SUMF1: variants seen among roughly 807,000 people sequenced by gnomAD.
SUMF1 encodes the protein formylglycine-generating enzyme.
In SUMF1, 48 loss-of-function variants were observed where a neutral mutation model predicts 47.6. That is an observed-to-expected ratio of 1.01 (90% CI 0.80 to 1.28). The LOEUF (loss-of-function observed/expected upper bound fraction) is 1.28. Among genes scored for constraint, SUMF1 ranks in the 50% most tolerant of loss-of-function variants. The pLI is 0.00. For missense variants in SUMF1, 571 were observed against 485.4 expected (o/e 1.18, Z -1.66); for synonymous variants, 230 against 192.1 (o/e 1.20, Z -1.63).
At chr3:4,160,884 ATGT>A (rs1694560724) in intron 8 of SUMF1, among the ~76,000 whole-genome samples, 1 of 151,868 alleles carries the variant, frequency 6.6e-6, no homozygotes, top group East Asian at 1.9e-4. Flanking sequence ...ATGCTTGTGG[ATGT>A]TGTTTAGTGT....
intron 8 of SUMF1, among the ~76,000 whole-genome samples, chr3:4,363,553 T>C (rs965927727): frequency 1.3e-5 from 2 of 151,860 alleles, no homozygotes; most frequent in Non-Finnish European, 2.9e-5. Context: ...AGATTGCTTG[T>C]GATTTTTGTA....
chr3:4,337,571 G>A (rs1183296875), intron 8 of SUMF1, among the ~76,000 whole-genome samples: 2 of 151,804 alleles, frequency 1.3e-5, no homozygotes, highest in East Asian at 3.9e-4. Flanking sequence ...TGCTCACCAT[G>A]GTACCTACCT....
chr3:4,423,980 TATAGCCTGCAAAACC>T (rs1383925839), intron 3 of SUMF1, among the ~76,000 whole-genome samples: 13 of 152,340 alleles, frequency 8.5e-5, no homozygotes, highest in South Asian at 2.1e-4. Flanking sequence ...ACGTTTCCTG[TATAGCCTGCAAAACC>T]ATGAGCCAAA....
At chr3:4,395,407 T>G (rs1342842338) in intron 7 of SUMF1, among the ~76,000 whole-genome samples, 2 of 152,212 alleles carry the variant, frequency 1.3e-5, no homozygotes, top group South Asian at 2.1e-4. Context: ...TAAAGCTTTT[T>G]GAATTATGTT....
chr3:4,399,341 G>A (rs1263249118), intron 7 of SUMF1, among the ~76,000 whole-genome samples: 1 of 152,066 alleles, frequency 6.6e-6, no homozygotes, highest in Non-Finnish European at 1.5e-5. Context: ...AGCTACAGTG[G>A]GGAAGGGCTT....
chr3:4,361,212 AC>A lies in SUMF1; in HGVS notation c.*931del, dbSNP rs1699744397. On this transcript the variant is annotated 3_prime_UTR_variant, in exon 9 of 9. Transcript: ENST00000272902. ...CAAAGCATCGGATATTCCACAGCCA[AC>A]AAGGTTTCCTATTCCCTATTACAAA... 1 of 152,540 alleles carries A rather than the reference AC, an allele frequency of 6.6e-6. No individual in the cohort carries two copies. The highest frequency in any genetic ancestry group is 2.1e-4 in the South Asian group (1 of 4,834). The allele number at this position is 152,540 out of a possible 1,614,324, so 9.4% of individuals were successfully genotyped here.
At chr3:4,089,522 A>G (rs115288480) in intron 8 of SUMF1, among the ~76,000 whole-genome samples, 1,714 of 152,222 alleles carry the variant, frequency 0.011, 14 homozygotes, top group Admixed American at 0.017. Context: ...TTCTTTGTCT[A>G]TTTTCCCAAT....
At chr3:4,114,338 G>T (rs1265813698) in intron 8 of SUMF1, among the ~76,000 whole-genome samples, 2 of 151,940 alleles carry the variant, frequency 1.3e-5, no homozygotes, top group African/African-American at 4.8e-5. Context: ...TGGGACAAAA[G>T]AAAAAGGAAA....
At chr3:4,465,673 C>T (rs1013447733) in intron 1 of SUMF1, among the ~76,000 whole-genome samples, 4 of 152,078 alleles carry the variant, frequency 2.6e-5, no homozygotes, top group African/African-American at 9.7e-5. Context: ...AAAAATTATA[C>T]AGGATGGAAA....
intron 8 of SUMF1, among the ~76,000 whole-genome samples, chr3:4,119,187 G>C (rs1318435082): frequency 6.6e-6 from 1 of 152,100 alleles, no homozygotes; most frequent in African/African-American, 2.4e-5. Flanking sequence ...AGTCCGGACT[G>C]CTCTCTCCGC....
At chr3:4,180,850 C>G (rs1695081386) in intron 8 of SUMF1, among the ~76,000 whole-genome samples, 1 of 151,816 alleles carries the variant, frequency 6.6e-6, no homozygotes, top group African/African-American at 2.4e-5. Flanking sequence ...GAAACCCTGT[C>G]TCAACAAAAA....
Position 4,221,952 on chromosome 3 carries a change from T to C in SUMF1, c.1015-153207A>G, listed in dbSNP as rs111342327. Among the ~76,000 whole-genome samples the C allele has an allele frequency of 3.1e-3, 474 of 152,156 alleles. 2 individuals are homozygous for C. The highest frequency in any genetic ancestry group is 0.011 in the African/African-American group (444 of 41,538). On this transcript the variant is annotated intron_variant and NMD_transcript_variant, in intron 8 of 12. Coordinates refer to the SUMF1 transcript ENST00000448413. ...CGTTTTGTATATCCTCTGATTTTTT[T>C]TTGCAAGCACTACACTTTTATAATG... is the stretch of plus-strand genomic sequence containing the variant.
chr3:4,211,066 G>A lies in SUMF1; in HGVS notation c.1015-142321C>T, dbSNP rs911823892. Reference sequence around the variant, plus strand: ...CCTGCAGATGGCCTGTTGCAGGACCGTGTGATTGTGTGAGTTAATACTCCT... The same window carrying A: ...CCTGCAGATGGCCTGTTGCAGGACCATGTGATTGTGTGAGTTAATACTCCT... On this transcript the variant is annotated intron_variant and NMD_transcript_variant, in intron 8 of 12. Coordinates refer to the SUMF1 transcript ENST00000448413. 7.8e-5 allele frequency among the ~76,000 whole-genome samples: 11 copies of A among 141,490 alleles called. No homozygotes were observed. In the East Asian group the frequency reaches 1.0e-3, roughly 13 times the overall value. 92.8% of individuals were successfully genotyped at this position (141,490 alleles called of 152,430 possible). A position where few individuals can be genotyped will look rare whatever the true frequency, so the allele number is the denominator to read the frequency against.
At chr3:4,159,348 T>C (rs887721605) in intron 8 of SUMF1, among the ~76,000 whole-genome samples, 4 of 151,180 alleles carry the variant, frequency 2.6e-5, no homozygotes, top group Non-Finnish European at 4.4e-5. Context: ...GCAAATAATA[T>C]CTTATAATCC....
At chr3:4,402,848 G>A (rs1019750790) in intron 7 of SUMF1, among the ~76,000 whole-genome samples, 8 of 152,142 alleles carry the variant, frequency 5.3e-5, no homozygotes, top group African/African-American at 1.4e-4. Context: ...ATAACTGCAT[G>A]TAAAAAATAG....
chr3:4,306,872 C>G (rs10510291), intron 8 of SUMF1, among the ~76,000 whole-genome samples: 11,400 of 152,250 alleles, frequency 0.075, 486 homozygotes, highest in Middle Eastern at 0.13. Context: ...TGGAAACAAG[C>G]ATATCATAAT....
chr3:4,229,824 G>T (rs1350982154), intron 8 of SUMF1, among the ~76,000 whole-genome samples: 2 of 151,900 alleles, frequency 1.3e-5, no homozygotes, highest in African/African-American at 4.8e-5. Flanking sequence ...GACCAGCCTG[G>T]GCAACATAGC....
chr3:4,411,043 C>T (rs1701524935), intron 6 of SUMF1, 65 bp from the exon 7 acceptor site: 2 of 1,261,310 alleles, frequency 1.6e-6, no homozygotes, highest in East Asian at 2.3e-5. Context: ...ATCTTCAGTG[C>T]AGAAATGCAG....
chr3:4,166,255 T>C (rs1372285630), intron 8 of SUMF1, among the ~76,000 whole-genome samples: 1 of 152,082 alleles, frequency 6.6e-6, no homozygotes, highest in Non-Finnish European at 1.5e-5. Context: ...TAAGATGATA[T>C]GCCTCAAAAT....
Sources: gnomAD v4.1 joint callset for allele counts (sites outside exome capture counted in the v4.1 genomes callset) on GRCh38, gnomAD v4.1.1 for gene constraint, MANE v1.5 for transcripts, NCBI Gene and HGNC (gene_info 2026-07-23, HGNC 2026-07-21) for gene names.